HACD2: variants seen among roughly 807,000 people sequenced by gnomAD.
HACD2 encodes the protein 3-hydroxyacyl-CoA dehydratase 2.
A neutral mutation model predicts 31.0 loss-of-function variants in HACD2; 15 were observed. The observed-to-expected ratio is 0.48, with a 90% CI of 0.32 to 0.75. The LOEUF (loss-of-function observed/expected upper bound fraction) is 0.75. Ranked by LOEUF, HACD2 falls within the 30% of genes least tolerant of loss-of-function variation. The probability of loss-of-function intolerance (pLI) is 0.03; values close to 1 mark genes in which losing one functional copy is unlikely to be tolerated. For missense variants in HACD2, 283 were observed against 313.0 expected, an observed-to-expected ratio of 0.90 and a Z score of 0.72; for synonymous variants, 115 against 122.2, an observed-to-expected ratio of 0.94 and a Z score of 0.39.
intron 4 of HACD2, among the ~76,000 whole-genome samples, chr3:123,525,112 G>A (rs959446679): frequency 2.0e-5 from 3 of 152,188 alleles, no homozygotes; most frequent in African/African-American, 7.2e-5. Context: ...TGAAAAGTTG[G>A]TGAGAATGTA....
At chr3:123,518,477 A>G (rs1356648727) in intron 4 of HACD2, among the ~76,000 whole-genome samples, 1 of 152,188 alleles carries the variant, frequency 6.6e-6, no homozygotes, top group Non-Finnish European at 1.5e-5. Context: ...TGCTACACAA[A>G]TGTCATGCAA....
chr3:123,581,182 T>C (rs1454750224), intron 2 of HACD2, among the ~76,000 whole-genome samples: 8 of 152,178 alleles, frequency 5.3e-5, no homozygotes, highest in Admixed American at 5.2e-4. Context: ...GCCAGTAAAG[T>C]ATAAATGTTA....
intron 3 of HACD2, among the ~76,000 whole-genome samples, chr3:123,562,170 CA>C (rs2056736458): frequency 6.6e-6 from 1 of 152,162 alleles, no homozygotes; most frequent in Admixed American, 6.5e-5. Context: ...AAAAGCTTTG[CA>C]AATCTTAGAT....
At chr3:123,509,201 T>G (rs1327182807) in intron 4 of HACD2, among the ~76,000 whole-genome samples, 1 of 152,052 alleles carries the variant, frequency 6.6e-6, no homozygotes, top group African/African-American at 2.4e-5. Context: ...TATTCATCAT[T>G]GTTTTTTAAA....
chr3:123,509,422 T>C (rs1485940675), intron 4 of HACD2, among the ~76,000 whole-genome samples: 1 of 151,484 alleles, frequency 6.6e-6, no homozygotes, highest in Non-Finnish European at 1.5e-5. Context: ...CTATTATAAA[T>C]TGCAGGCTAG....
intron 3 of HACD2, among the ~76,000 whole-genome samples, chr3:123,563,043 G>C (rs1346286820): frequency 6.6e-6 from 1 of 152,170 alleles, no homozygotes; most frequent in Middle Eastern, 3.2e-3. Context: ...TTGGTAAGAT[G>C]ATGATCAAAT....
Position 123,496,934 on chromosome 3 carries a change from G to C in HACD2, c.683-1964C>G, listed in dbSNP as rs890365001. Reference sequence around the variant, plus strand: ...GCAGTTCAAGGAAGAAGATGGCCACGCAGACCTTCATTTCCATGGGCAGGG... The same window carrying C: ...GCAGTTCAAGGAAGAAGATGGCCACCCAGACCTTCATTTCCATGGGCAGGG... On this transcript the variant is annotated intron_variant, in intron 6 of 6. Coordinates refer to ENST00000383657, the MANE Select transcript of HACD2 (RefSeq NM_198402.5). Among the ~76,000 whole-genome samples the C allele has an allele frequency of 4.6e-5, 7 of 152,288 alleles. No homozygotes were observed. In the East Asian group the frequency reaches 1.2e-3, roughly 25 times the overall value.
At chr3:123,511,409 A>C (rs1317054956) in intron 4 of HACD2, among the ~76,000 whole-genome samples, 2 of 152,154 alleles carry the variant, frequency 1.3e-5, no homozygotes, top group African/African-American at 4.8e-5. Context: ...TTTCAAAATC[A>C]ATAACTATTG....
Position 123,493,861 on chromosome 3 carries a change from A to C in HACD2, c.*1027T>G, listed in dbSNP as rs2055798328. 1.3e-5 allele frequency: 2 copies of C among 152,258 alleles called. No individual in the cohort carries two copies. Among genetic ancestry groups the C allele is most frequent in the African/African-American group, 4.8e-5 (2 of 41,470 alleles). 9.4% of individuals were successfully genotyped at this position (152,258 alleles called of 1,614,324 possible). On this transcript the variant is annotated 3_prime_UTR_variant, in exon 7 of 7. Transcript: ENST00000383657. ...TTAACATAGGAAGTTAATTAGCAAA[A>C]GTATCCAAACAGAAGAGTGAATGAA...
chr3:123,581,083 G>A (rs1445877151), intron 2 of HACD2, among the ~76,000 whole-genome samples: 2 of 152,100 alleles, frequency 1.3e-5, no homozygotes, highest in African/African-American at 4.8e-5. Flanking sequence ...GCCTCCCAGA[G>A]TGCTGGGATT....
chr3:123,522,101 T>C (rs572704745), intron 4 of HACD2, among the ~76,000 whole-genome samples: 3 of 152,026 alleles, frequency 2.0e-5, no homozygotes, highest in East Asian at 1.9e-4. Flanking sequence ...AGGCCAGGAA[T>C]TGGAAACGAG....
intron 3 of HACD2, among the ~76,000 whole-genome samples, chr3:123,544,220 G>A (rs901773594): frequency 6.6e-6 from 1 of 152,162 alleles, no homozygotes; most frequent in Non-Finnish European, 1.5e-5. Flanking sequence ...CTCGCAGGAG[G>A]AGTGAAGCTT....
At chr3:123,497,387 C>T (rs1240833587) in intron 6 of HACD2, among the ~76,000 whole-genome samples, 1 of 152,180 alleles carries the variant, frequency 6.6e-6, no homozygotes, top group Non-Finnish European at 1.5e-5. Context: ...GTGGGTGCTG[C>T]TGGGCCCTCC....
At chr3:123,563,790 A>T (rs1559930458) in intron 3 of HACD2, among the ~76,000 whole-genome samples, 1 of 152,218 alleles carries the variant, frequency 6.6e-6, no homozygotes, top group South Asian at 2.1e-4. Flanking sequence ...AAGAACAAAG[A>T]CAGGAAACCT....
At chr3:123,501,828 A>G (rs750268954) in intron 5 of HACD2, among the ~76,000 whole-genome samples, 21 of 152,196 alleles carry the variant, frequency 1.4e-4, no homozygotes, top group Non-Finnish European at 2.1e-4. Context: ...AATGTTGGAA[A>G]CAATCGGATT....
At position 123,581,502 on chromosome 3, in the gene HACD2, G is replaced by A. The variant is rs1477123943; in HGVS notation, c.273+710C>T. Among the ~76,000 whole-genome samples the A allele has an allele frequency of 2.0e-5, 3 of 152,148 alleles. No individual in the cohort carries two copies. In the East Asian group the frequency reaches 5.8e-4, roughly 29 times the overall value. On this transcript the variant is annotated intron_variant, in intron 2 of 6. Transcript: ENST00000383657. Reference sequence around the variant, plus strand: ...AAACACCCTCCCTGTTTCCCACCATGTGGAGAGCCCAAGACCAACATTCAA... The same window carrying A: ...AAACACCCTCCCTGTTTCCCACCATATGGAGAGCCCAAGACCAACATTCAA...
At chr3:123,547,197 T>C (rs2056569676) in intron 3 of HACD2, among the ~76,000 whole-genome samples, 1 of 152,158 alleles carries the variant, frequency 6.6e-6, no homozygotes, top group South Asian at 2.1e-4. Context: ...CCTTTAAAAG[T>C]GTTGGAATTG....
chr3:123,498,567 T>A (rs942966143), intron 6 of HACD2, among the ~76,000 whole-genome samples: 2 of 152,206 alleles, frequency 1.3e-5, no homozygotes, highest in African/African-American at 4.8e-5. Flanking sequence ...AACTGCACAT[T>A]CAAGGGATCT....
chr3:123,492,516 G>A lies in HACD2; in HGVS notation c.*2372C>T, dbSNP rs2055776450. 1 of 152,190 alleles carries A rather than the reference G, an allele frequency of 6.6e-6. No individual in the cohort carries two copies. Among genetic ancestry groups the A allele is most frequent in the Non-Finnish European group, 1.5e-5 (1 of 68,042 alleles). 9.4% of individuals were successfully genotyped at this position (152,190 alleles called of 1,614,324 possible). ...AGGTTACTGAAGGACACAGTGACAT[G>A]CCTTACTTATCTGCCATAAGTATTC... On this transcript the variant is annotated 3_prime_UTR_variant, in exon 7 of 7. Coordinates refer to ENST00000383657, the MANE Select transcript of HACD2 (RefSeq NM_198402.5).
Sources: allele counts gnomAD v4.1 joint callset (sites outside exome capture counted in the v4.1 genomes callset), GRCh38; gene constraint gnomAD v4.1.1; transcripts MANE v1.5; gene names NCBI Gene and HGNC (gene_info 2026-07-23, HGNC 2026-07-21).